AATF: variants seen among roughly 807,000 people sequenced by gnomAD.
AATF encodes apoptosis antagonizing transcription factor.
In AATF, 48 loss-of-function variants were observed where a neutral mutation model predicts 63.7. The ratio of observed to expected loss-of-function variants is 0.75; its 90% CI spans 0.60 to 0.96. The LOEUF (loss-of-function observed/expected upper bound fraction) is 0.96, where lower values mean the gene tolerates loss of function less well. Ranked by LOEUF, AATF falls within the 40% of genes least tolerant of loss-of-function variation. The pLI, the probability that AATF is intolerant of heterozygous loss-of-function variation, is 0.00. For synonymous variants in AATF, 258 were observed against 247.7 expected, an observed-to-expected ratio of 1.04 and a Z score of -0.39; for missense variants, 639 against 685.7, an observed-to-expected ratio of 0.93 and a Z score of 0.76.
At chr17:36,985,729 TTAG>T (rs2071163769) in intron 4 of AATF, among the ~76,000 whole-genome samples, 1 of 151,788 alleles carries the variant, frequency 6.6e-6, no homozygotes, top group Admixed American at 6.6e-5. Context: ...TATTTTTTTT[TTAG>T]TAGAGATGGG....
chr17:37,056,382 G>C, intron 11 of AATF: 1 of 536,400 alleles, frequency 1.9e-6, no homozygotes. Context: ...CCCTGGAGAC[G>C]GGTGTCCAGC....
intron 11 of AATF, chr17:37,055,183 C>T (rs2071787828): frequency 1.3e-5 from 2 of 152,228 alleles, no homozygotes; most frequent in Admixed American, 6.5e-5. Flanking sequence ...GGCACCAGCA[C>T]ATTCTTGGGA....
intron 10 of AATF, among the ~76,000 whole-genome samples, chr17:37,028,614 C>T (rs1431496520): frequency 6.6e-6 from 1 of 152,008 alleles, no homozygotes; most frequent in Non-Finnish European, 1.5e-5. Flanking sequence ...AGTGAAACCC[C>T]ATCTCTACTA....
At chr17:36,988,071 T>A (rs916579144) in intron 5 of AATF, among the ~76,000 whole-genome samples, 1 of 152,212 alleles carries the variant, frequency 6.6e-6, no homozygotes, top group African/African-American at 2.4e-5. Flanking sequence ...CCCAGCACTT[T>A]GGGAGGCCGA....
At chr17:37,045,043 T>C (rs1214101612) in intron 11 of AATF, among the ~76,000 whole-genome samples, 4 of 152,154 alleles carry the variant, frequency 2.6e-5, no homozygotes, top group Non-Finnish European at 5.9e-5. Flanking sequence ...CTGGCTGCTT[T>C]GTTATTTTTA....
At chr17:36,995,346 G>A (rs905226211) in intron 8 of AATF, among the ~76,000 whole-genome samples, 1 of 152,150 alleles carries the variant, frequency 6.6e-6, no homozygotes, top group Non-Finnish European at 1.5e-5. Flanking sequence ...TACTAATTCA[G>A]TGAACTATTA....
chr17:37,004,879 T>G (rs1443720080), intron 8 of AATF, among the ~76,000 whole-genome samples: 1 of 152,208 alleles, frequency 6.6e-6, no homozygotes, highest in African/African-American at 2.4e-5. Context: ...TCTCACTACA[T>G]TCATCCATGT....
intron 8 of AATF, among the ~76,000 whole-genome samples, chr17:37,012,625 C>T (rs2071400720): frequency 6.6e-6 from 1 of 152,092 alleles, no homozygotes; most frequent in African/African-American, 2.4e-5. Flanking sequence ...ACTGTGGAAG[C>T]CTAAAAAGTA....
intron 10 of AATF, among the ~76,000 whole-genome samples, chr17:37,027,601 T>C (rs2071520292): frequency 6.6e-6 from 1 of 152,154 alleles, no homozygotes; most frequent in African/African-American, 2.4e-5. Flanking sequence ...ATTGAAAAAG[T>C]AAAAAGAAAA....
chr17:36,968,123 G>C (rs2071006433), intron 4 of AATF, among the ~76,000 whole-genome samples: 1 of 151,236 alleles, frequency 6.6e-6, no homozygotes, highest in Non-Finnish European at 1.5e-5. Context: ...GCATCAGACT[G>C]TTTCTGTGAT....
At chr17:37,011,494 T>C (rs1048495890) in intron 8 of AATF, among the ~76,000 whole-genome samples, 3 of 152,066 alleles carry the variant, frequency 2.0e-5, no homozygotes, top group Non-Finnish European at 2.9e-5. Context: ...AGTTGAGATA[T>C]TGGGTGTAAG....
chr17:37,048,298 G>A (rs1317858049), intron 11 of AATF, among the ~76,000 whole-genome samples: 1 of 148,728 alleles, frequency 6.7e-6, no homozygotes, highest in Admixed American at 6.7e-5. Flanking sequence ...TATCAGCACT[G>A]TGTCTTTTTA....
intron 8 of AATF, among the ~76,000 whole-genome samples, chr17:37,017,407 C>T (rs897072443): frequency 3.3e-5 from 5 of 152,096 alleles, no homozygotes; most frequent in African/African-American, 1.2e-4. Flanking sequence ...ACCAGAAGCC[C>T]ATTTCTGCTT....
At chr17:36,955,465 C>T (rs1332815351) in intron 4 of AATF, among the ~76,000 whole-genome samples, 1 of 152,130 alleles carries the variant, frequency 6.6e-6, no homozygotes, top group East Asian at 1.9e-4. Flanking sequence ...GTCTTTGCCT[C>T]CTTTCTCTCT....
intron 11 of AATF, among the ~76,000 whole-genome samples, chr17:37,036,222 G>A (rs2071591059): frequency 6.6e-6 from 1 of 152,124 alleles, no homozygotes. Context: ...TTCCTTAGTT[G>A]CTCATTGGTT....
At chr17:37,006,101 T>TA (rs2071339374) in intron 8 of AATF, among the ~76,000 whole-genome samples, 1 of 152,004 alleles carries the variant, frequency 6.6e-6, no homozygotes, top group Non-Finnish European at 1.5e-5. Flanking sequence ...TGTGCCGCTA[T>TA]ACTCCAGCCT....
chr17:36,953,175 C>T lies in AATF; in HGVS notation c.573C>T (p.Gly191=), dbSNP rs751492754. ...GGGATGACGCGGAAGACTCCCAAGG[C>T]GAGAGTGAGGAAGACAGGGCTGGAG... is the stretch of plus-strand genomic sequence containing the variant. ...EEGDDAEDSQ[G]ESEEDRAGDR... The change falls in exon 3 of 12, where the codon GGC becomes GGT. Residue 191 remains glycine, a synonymous_variant. Transcript: ENST00000619387. 214 of 1,613,772 alleles carry T rather than the reference C, an allele frequency of 1.3e-4. No homozygotes were observed. Among genetic ancestry groups the T allele is most frequent in the Non-Finnish European group, 1.6e-4 (194 of 1,179,992 alleles).
chr17:36,994,089 T>C (rs142944093), intron 8 of AATF, among the ~76,000 whole-genome samples: 58 of 152,320 alleles, frequency 3.8e-4, no homozygotes, highest in Non-Finnish European at 7.3e-4. Context: ...AATAATCTTA[T>C]CATTTTTAGA....
intron 4 of AATF, among the ~76,000 whole-genome samples, chr17:36,954,697 C>T (rs1303264523): frequency 1.3e-5 from 2 of 152,172 alleles, no homozygotes; most frequent in Admixed American, 6.5e-5. Context: ...CTTCATTTTA[C>T]ACATGAGAGA....
Sources: allele counts gnomAD v4.1 joint callset (sites outside exome capture counted in the v4.1 genomes callset), GRCh38; gene constraint gnomAD v4.1.1; transcripts MANE v1.5; gene names NCBI Gene and HGNC (gene_info 2026-07-23, HGNC 2026-07-21).